Variants in ERP27 observed in about 807,000 individuals in gnomAD.
ERP27 encodes the protein endoplasmic reticulum protein 27.
ERP27 carries 23 observed loss-of-function variants against 27.7 expected under a neutral mutation model. The ratio of observed to expected loss-of-function variants is 0.83; its 90% CI spans 0.60 to 1.18. The LOEUF (loss-of-function observed/expected upper bound fraction) is 1.18. Among genes scored for constraint, ERP27 ranks in the 50% most tolerant of loss-of-function variants. ERP27 has a pLI of 0.00. For missense variants in ERP27, 363 were observed against 327.9 expected, an observed-to-expected ratio of 1.11 and a Z score of -0.83; for synonymous variants, 159 against 118.3, an observed-to-expected ratio of 1.34 and a Z score of -2.23.
chr12:14,928,814 T>C, intron 3 of ERP27: 1 of 859,772 alleles, frequency 1.2e-6, no homozygotes, highest in Non-Finnish European at 1.8e-6. Context: ...CTTAGGTAGA[T>C]CCTTGCCCAC....
At chr12:14,915,866 T>A in intron 5 of ERP27, 180 bp from the exon 6 acceptor site, 1 of 625,600 alleles carries the variant, frequency 1.6e-6, no homozygotes, top group Non-Finnish European at 2.7e-6. Context: ...ATGTCTTTTG[T>A]GGGAACGTGG....
intron 2 of ERP27, among the ~76,000 whole-genome samples, chr12:14,937,322 C>A (rs1027583071): frequency 2.6e-5 from 4 of 152,058 alleles, no homozygotes; most frequent in Non-Finnish European, 5.9e-5. Flanking sequence ...CAGATGCTAC[C>A]ACCAGAGAAA....
intron 3 of ERP27, among the ~76,000 whole-genome samples, chr12:14,932,408 G>A (rs553573037): frequency 1.6e-4 from 25 of 152,154 alleles, no homozygotes; most frequent in African/African-American, 3.9e-4. Flanking sequence ...GACCCTTGGC[G>A]GGTGGTGGCA....
intron 3 of ERP27, among the ~76,000 whole-genome samples, chr12:14,924,029 C>A (rs191791626): frequency 2.6e-5 from 4 of 152,262 alleles, no homozygotes; most frequent in Non-Finnish European, 5.9e-5. Flanking sequence ...TCCATCACCA[C>A]TTCCCCCTCC....
intron 2 of ERP27, among the ~76,000 whole-genome samples, chr12:14,936,260 GT>G (rs1247111930): frequency 6.6e-6 from 1 of 152,162 alleles, no homozygotes; most frequent in Non-Finnish European, 1.5e-5. Flanking sequence ...GTTTATGCAG[GT>G]TATGGAAGGA....
chr12:14,938,319 G>C lies in ERP27; in HGVS notation c.94+96C>G, dbSNP rs553707755. The C allele has an allele frequency of 2.7e-5, 35 of 1,273,278 alleles. No individual in the cohort carries two copies. In the African/African-American group the frequency reaches 4.7e-4, roughly 17 times the overall value. The allele number at this position is 1,273,278 out of a possible 1,614,324, so 78.9% of individuals were successfully genotyped here. On this transcript the variant is annotated intron_variant, in intron 1 of 6. Transcript: ENST00000266397. The stretch of plus-strand genomic sequence containing the variant: ...CAGGATTTCCTGGAAAGCTTTCTAG[G>C]TGTGGAGGAAAAGTACCCAGAGAAC...
chr12:14,922,488 G>C (rs1863520264), intron 3 of ERP27, among the ~76,000 whole-genome samples: 1 of 128,628 alleles, frequency 7.8e-6, no homozygotes, highest in South Asian at 2.6e-4. Flanking sequence ...CTTTTTCTCT[G>C]ATTTGAACGT....
intron 3 of ERP27, among the ~76,000 whole-genome samples, chr12:14,929,393 A>C (rs1182001443): frequency 6.6e-6 from 1 of 152,224 alleles, no homozygotes; most frequent in Admixed American, 6.5e-5. Flanking sequence ...TAAACTAATA[A>C]ACTCTGGAAC....
intron 1 of ERP27, 145 bp from the exon 2 acceptor site, chr12:14,938,197 A>AG: frequency 1.3e-6 from 1 of 789,020 alleles, no homozygotes; most frequent in East Asian, 2.5e-5. Flanking sequence ...AAGGCATAAT[A>AG]TTTTTACTAA....
intron 3 of ERP27, among the ~76,000 whole-genome samples, chr12:14,925,346 T>C (rs1014385249): frequency 6.6e-6 from 1 of 152,226 alleles, no homozygotes; most frequent in Non-Finnish European, 1.5e-5. Context: ...GGTCATTCCA[T>C]GTTTTTATGT....
rs1259720395 is a variant in ERP27 at position 14,917,166 on chromosome 12, T to C, written c.576+12A>G. 6.2e-7 allele frequency: 1 copy of C among 1,614,120 alleles called. No individual in the cohort carries two copies. Among genetic ancestry groups the C allele is most frequent in the Admixed American group, 1.7e-5 (1 of 60,026 alleles). ...GTGTGTATGCAATAGGATATTCCCATTCTTGCCTTACCTTCCCCTGGAAGA... is the reference window on the plus strand; with the variant it reads ...GTGTGTATGCAATAGGATATTCCCACTCTTGCCTTACCTTCCCCTGGAAGA... On this transcript the variant is annotated intron_variant, in intron 5 of 6. Transcript: ENST00000266397.
chr12:14,932,056 A>C (rs113248615), intron 3 of ERP27, among the ~76,000 whole-genome samples: 2,721 of 152,262 alleles, frequency 0.018, 65 homozygotes, highest in African/African-American at 0.062. Flanking sequence ...GAGCTCACAC[A>C]ACTTCAGACA....
At chr12:14,915,795 AC>A in intron 5 of ERP27, 109 bp from the exon 6 acceptor site, 1 of 962,618 alleles carries the variant, frequency 1.0e-6, no homozygotes, top group Non-Finnish European at 1.5e-6. Flanking sequence ...TATGGTCTGC[AC>A]CATGAAATTG....
rs990945098 is a variant in ERP27 at position 14,921,789 on chromosome 12, C to CT, written c.334-742dup. 2.1e-3 allele frequency among the ~76,000 whole-genome samples: 307 copies of CT among 147,714 alleles called. 2 individuals are homozygous for CT. The highest frequency in any genetic ancestry group is 7.2e-3 in the African/African-American group (289 of 40,392). ...GCTTCCTTCTAGTTTATAATTCATC[C>CT]TTTTTTTTTTGCCAAAGGTATGCTG... On this transcript the variant is annotated intron_variant, in intron 3 of 6. Coordinates refer to ENST00000266397, the MANE Select transcript of ERP27 (RefSeq NM_152321.4).
chr12:14,923,320 G>A (rs534859333), intron 3 of ERP27, among the ~76,000 whole-genome samples: 44 of 151,842 alleles, frequency 2.9e-4, no homozygotes, highest in African/African-American at 1.0e-3. Flanking sequence ...GGCAGTAGAT[G>A]GTGAGACTTT....
At chr12:14,916,548 C>T (rs1205471719) in intron 5 of ERP27, among the ~76,000 whole-genome samples, 3 of 152,096 alleles carry the variant, frequency 2.0e-5, no homozygotes, top group Non-Finnish European at 4.4e-5. Context: ...AAGTAGAAAT[C>T]TTCTTTATAA....
intron 6 of ERP27, 98 bp from the exon 7 acceptor site, chr12:14,914,880 G>A (rs1200465579): frequency 3.3e-6 from 3 of 920,744 alleles, no homozygotes; most frequent in African/African-American, 3.4e-5. Flanking sequence ...CATGAACCCT[G>A]TTATATGAAG....
intron 2 of ERP27, chr12:14,935,325 CAT>C (rs1286090554): frequency 1.8e-5 from 3 of 166,176 alleles, no homozygotes; most frequent in Middle Eastern, 2.8e-3. Context: ...TGTAGATACA[CAT>C]GAGAAGCAAC....
Position 14,923,227 on chromosome 12 carries a change from T to A in ERP27, c.334-2179A>T, listed in dbSNP as rs536728549. ...GTTTCTGGTTCTCAGGCCTTCAGAC[T>A]CAGACTGGAATCTACACCATTGGTG... is the stretch of plus-strand genomic sequence containing the variant. On this transcript the variant is annotated intron_variant, in intron 3 of 6. Transcript: ENST00000266397. Among the ~76,000 whole-genome samples the A allele has an allele frequency of 4.0e-5, 6 of 151,664 alleles. No individual in the cohort carries two copies. The South Asian group carries it at 6.3e-4, about 16-fold the overall frequency.
Sources: allele counts gnomAD v4.1 joint callset (sites outside exome capture counted in the v4.1 genomes callset), GRCh38; gene constraint gnomAD v4.1.1; transcripts MANE v1.5; gene names NCBI Gene and HGNC (gene_info 2026-07-23, HGNC 2026-07-21).